ADCY8: variants seen among roughly 807,000 people sequenced by gnomAD.
ADCY8 encodes adenylate cyclase 8.
ADCY8 carries 51 observed loss-of-function variants against 119.7 expected under a neutral mutation model. The observed-to-expected ratio is 0.43, with a 90% CI of 0.34 to 0.54. The LOEUF (loss-of-function observed/expected upper bound fraction) is 0.54, where lower values mean the gene tolerates loss of function less well. ADCY8 is among the 20% of genes least tolerant of loss of function. ADCY8 has a pLI of 0.03. For missense variants in ADCY8, 1,383 were observed against 1,598.8 expected, an observed-to-expected ratio of 0.87 and a Z score of 2.30; for synonymous variants, 665 against 651.0, an observed-to-expected ratio of 1.02 and a Z score of -0.33.
chr8:131,040,462 A>C lies in ADCY8; in HGVS notation c.-129T>G. On this transcript the variant is annotated 5_prime_UTR_variant, in exon 1 of 18. Coordinates refer to ENST00000286355, the MANE Select transcript of ADCY8 (RefSeq NM_001115.3). ...TTTTTATCCTAGGCTGCCCCGTTGC[A>C]GGAGCCCTGCGCTAGGGCTCCCTGT... The C allele has an allele frequency of 8.3e-7, 1 of 1,208,520 alleles. No homozygotes were observed. The highest frequency in any genetic ancestry group is 3.5e-5 in the Admixed American group (1 of 28,752). 74.9% of individuals were successfully genotyped at this position (1,208,520 alleles called of 1,614,324 possible).
At chr8:131,027,960 C>T (rs80186896) in intron 1 of ADCY8, among the ~76,000 whole-genome samples, 2,105 of 152,236 alleles carry the variant, frequency 0.014, 33 homozygotes, top group African/African-American at 0.029. Context: ...CAGATGCCAC[C>T]CCAGACTTTG....
At chr8:131,033,495 A>G (rs1824055838) in intron 1 of ADCY8, among the ~76,000 whole-genome samples, 1 of 152,124 alleles carries the variant, frequency 6.6e-6, no homozygotes, top group African/African-American at 2.4e-5. Flanking sequence ...AGTCCTCCCA[A>G]TCTTCCCAGT....
intron 9 of ADCY8, among the ~76,000 whole-genome samples, chr8:130,852,277 G>A (rs1817556611): frequency 6.6e-6 from 1 of 152,120 alleles, no homozygotes; most frequent in Non-Finnish European, 1.5e-5. Flanking sequence ...TTTTTGACTA[G>A]CAAAGTTTTG....
chr8:130,881,658 A>G (rs1034185956), intron 8 of ADCY8, among the ~76,000 whole-genome samples: 63 of 152,192 alleles, frequency 4.1e-4, no homozygotes, highest in African/African-American at 1.4e-3. Flanking sequence ...AAATTCTAAG[A>G]TATATATTCT....
intron 4 of ADCY8, among the ~76,000 whole-genome samples, chr8:130,940,116 C>T (rs1820912828): frequency 6.6e-6 from 1 of 152,212 alleles, no homozygotes; most frequent in Non-Finnish European, 1.5e-5. Flanking sequence ...TTACACCTAT[C>T]TCAGTCTTCA....
intron 15 of ADCY8, among the ~76,000 whole-genome samples, chr8:130,788,141 G>A (rs1815315503): frequency 6.6e-6 from 1 of 152,082 alleles, no homozygotes; most frequent in South Asian, 2.1e-4. Context: ...TCATATCCTG[G>A]CAATTGTGAA....
chr8:130,841,045 G>A (rs190115493), intron 11 of ADCY8, among the ~76,000 whole-genome samples: 13 of 152,260 alleles, frequency 8.5e-5, no homozygotes, highest in African/African-American at 2.9e-4. Context: ...CCCTACAGAC[G>A]TGGAGGTGTG....
At chr8:131,018,046 T>A (rs1563769782) in intron 1 of ADCY8, among the ~76,000 whole-genome samples, 1 of 152,216 alleles carries the variant, frequency 6.6e-6, no homozygotes, top group Non-Finnish European at 1.5e-5. Flanking sequence ...AACATTAATG[T>A]TACGGGTAAT....
intron 4 of ADCY8, among the ~76,000 whole-genome samples, chr8:130,939,666 T>A (rs1383687707): frequency 6.6e-6 from 1 of 152,232 alleles, no homozygotes; most frequent in Admixed American, 6.5e-5. Context: ...CTGAAGCCAC[T>A]GTATGTGGGT....
intron 1 of ADCY8, among the ~76,000 whole-genome samples, chr8:131,036,451 T>C (rs1224140383): frequency 1.3e-5 from 2 of 152,174 alleles, no homozygotes; most frequent in African/African-American, 4.8e-5. Context: ...ATATGATGAA[T>C]TGTCTTCTTC....
chr8:130,902,200 G>A (rs1488057510), intron 7 of ADCY8, among the ~76,000 whole-genome samples: 1 of 152,114 alleles, frequency 6.6e-6, no homozygotes, highest in South Asian at 2.1e-4. Flanking sequence ...TTCAGGATGA[G>A]GCATGCATTT....
chr8:130,864,111 T>C (rs1340536727), intron 9 of ADCY8, among the ~76,000 whole-genome samples: 3 of 152,204 alleles, frequency 2.0e-5, no homozygotes, highest in African/African-American at 7.2e-5. Context: ...ATACTTTAAA[T>C]GCTTGACTCC....
At chr8:130,893,478 G>A (rs890572366) in intron 7 of ADCY8, among the ~76,000 whole-genome samples, 1 of 152,116 alleles carries the variant, frequency 6.6e-6, no homozygotes, top group Non-Finnish European at 1.5e-5. Context: ...AATGTCATTG[G>A]CTGTAGTTGG....
intron 8 of ADCY8, among the ~76,000 whole-genome samples, chr8:130,882,346 A>T (rs1376203773): frequency 6.6e-6 from 1 of 152,086 alleles, no homozygotes; most frequent in African/African-American, 2.4e-5. Flanking sequence ...TGATTCTGGA[A>T]TCCTATGTAT....
chr8:130,856,801 G>A (rs1418433135), intron 9 of ADCY8, among the ~76,000 whole-genome samples: 1 of 151,784 alleles, frequency 6.6e-6, no homozygotes, highest in Non-Finnish European at 1.5e-5. Context: ...TACAGTCCAG[G>A]AGGGCAGGGA....
intron 4 of ADCY8, among the ~76,000 whole-genome samples, chr8:130,942,338 T>C (rs1019210094): frequency 2.6e-5 from 4 of 152,202 alleles, no homozygotes; most frequent in Admixed American, 2.0e-4. Context: ...AGAAGTCTTC[T>C]CTCATCTAAA....
At chr8:130,932,548 G>A (rs1416877390) in intron 5 of ADCY8, among the ~76,000 whole-genome samples, 1 of 152,162 alleles carries the variant, frequency 6.6e-6, no homozygotes, top group Non-Finnish European at 1.5e-5. Context: ...GGGGAAGGAT[G>A]ATATGGGTAA....
intron 5 of ADCY8, among the ~76,000 whole-genome samples, chr8:130,926,827 G>A (rs757066799): frequency 4.6e-5 from 7 of 151,886 alleles, no homozygotes; most frequent in Non-Finnish European, 1.0e-4. Flanking sequence ...GTGAGATCAC[G>A]AGGTATTTAT....
intron 9 of ADCY8, among the ~76,000 whole-genome samples, chr8:130,856,409 C>T (rs1221505010): frequency 1.3e-5 from 2 of 152,028 alleles, no homozygotes; most frequent in African/African-American, 4.8e-5. Context: ...CTCTAGGAGT[C>T]CAGAGGAAGC....
Sources: allele counts gnomAD v4.1 joint callset (sites outside exome capture counted in the v4.1 genomes callset), GRCh38; gene constraint gnomAD v4.1.1; transcripts MANE v1.5; gene names NCBI Gene and HGNC (gene_info 2026-07-23, HGNC 2026-07-21).